The following SRM variants were observed in gnomAD, a reference collection of about 807,000 sequenced individuals.
The protein encoded by SRM is putrescine aminopropyltransferase.
Under a neutral mutation model 39.3 loss-of-function variants are expected in SRM, and 14 were observed. That is an observed-to-expected ratio of 0.36 (90% confidence interval 0.24 to 0.56). SRM has a LOEUF of 0.56. Ranked by LOEUF, SRM falls within the 20% of genes least tolerant of loss-of-function variation. The pLI, the probability that SRM is intolerant of heterozygous loss-of-function variation, is 0.86. For synonymous variants in SRM, 195 were observed against 173.1 expected, an observed-to-expected ratio of 1.13 and a Z score of -0.99; for missense variants, 244 against 409.2, an observed-to-expected ratio of 0.60 and a Z score of 3.48.
chr1:11,059,089 C>T (rs1177845921), intron 2 of SRM, 136 bp downstream of exon 2: 3 of 1,497,892 alleles, frequency 2.0e-6, no homozygotes, highest in South Asian at 1.3e-5. Flanking sequence ...TCAGTGTCGG[C>T]CCCCACCCCT....
intron 1 of SRM, 154 bp downstream of exon 1, chr1:11,059,620 AGCC>A: frequency 9.8e-7 from 1 of 1,018,256 alleles, no homozygotes; most frequent in Non-Finnish European, 1.4e-6. Flanking sequence ...CCGCAGTCCC[AGCC>A]CCAGCCCAGG....
chr1:11,054,771 C>G lies in SRM; in HGVS notation c.*94G>C. On this transcript the variant is annotated 3_prime_UTR_variant, in exon 8 of 8. Transcript: ENST00000376957. This position sits in a 1 kb window ranked among gnomAD's most constrained non-coding sequence, Gnocchi z 4.8. ...TAACACTTGGTTGGTGGGCGAGAGCCAGCAGGAGGTCCGGCCCGGGGCTGG... is the reference window on the plus strand; with the variant it reads ...TAACACTTGGTTGGTGGGCGAGAGCGAGCAGGAGGTCCGGCCCGGGGCTGG... The G allele has an allele frequency of 2.7e-6, 4 of 1,492,190 alleles. No homozygotes were observed. Among genetic ancestry groups the G allele is most frequent in the Non-Finnish European group, 3.6e-6 (4 of 1,118,064 alleles). The allele number at this position is 1,492,190 out of a possible 1,614,324, so 92.4% of individuals were successfully genotyped here. A position where few individuals can be genotyped will look rare whatever the true frequency, so the allele number is the denominator to read the frequency against.
intron 4 of SRM, 49 bp downstream of exon 4, chr1:11,056,555 C>T (rs375179703): frequency 1.4e-5 from 22 of 1,609,098 alleles, no homozygotes; most frequent in African/African-American, 8.0e-5. Context: ...GGAGGCTGAC[C>T]TCCAGACCTG....
chr1:11,056,515 C>A, intron 4 of SRM, 89 bp downstream of exon 4: 8 of 1,509,858 alleles, frequency 5.3e-6, no homozygotes, highest in Non-Finnish European at 7.2e-6. Context: ...GGGTGGGAGG[C>A]CGCTCTATCC....
chr1:11,056,880 TTTA>T (rs1001509124), intron 3 of SRM, 123 bp from the exon 4 acceptor site: 17 of 958,886 alleles, frequency 1.8e-5, no homozygotes, highest in Non-Finnish European at 2.3e-5. Context: ...TTCCCTTTTT[TTTA>T]TTATTTTTTT....
At chr1:11,059,613 C>G in intron 1 of SRM, 164 bp downstream of exon 1, 1 of 980,234 alleles carries the variant, frequency 1.0e-6, no homozygotes, top group South Asian at 1.7e-5. Flanking sequence ...GGCCAGCCCG[C>G]AGTCCCAGCC....
chr1:11,059,404 A>C (rs1638936835), intron 1 of SRM, 59 bp from the exon 2 acceptor site: 1 of 1,601,148 alleles, frequency 6.2e-7, no homozygotes, highest in African/African-American at 1.3e-5. Context: ...AACGTACCCC[A>C]AGCCGCCCTG....
chr1:11,054,943 A>G lies in SRM; in HGVS notation c.888+19T>C, dbSNP rs764564938. ...TCTGGGTCCCTGGGTCCCACCACCCAGCCCCGCAGGCCACCCACCTTGCGG... is the reference window on the plus strand; with the variant it reads ...TCTGGGTCCCTGGGTCCCACCACCCGGCCCCGCAGGCCACCCACCTTGCGG... On this transcript the variant is annotated intron_variant, in intron 7 of 7. Coordinates refer to ENST00000376957, the MANE Select transcript of SRM (RefSeq NM_003132.3). This position sits in a 1 kb window ranked among gnomAD's most constrained non-coding sequence, Gnocchi z 4.8. 1.9e-6 allele frequency: 3 copies of G among 1,611,392 alleles called. No individual in the cohort carries two copies. The highest frequency in any genetic ancestry group is 1.3e-5 in the African/African-American group (1 of 74,834).
Position 11,056,773 on chromosome 1 carries a change from G to A in SRM, c.382-16C>T. ...GGATGACATCCTGGAGGGGATGGGA[G>A]GGACCAGTCTGGGCCAAGGGGCTGG... On this transcript the variant is annotated splice_polypyrimidine_tract_variant and intron_variant, in intron 3 of 7. Transcript: ENST00000376957. 12 of 1,613,942 alleles carry A rather than the reference G, an allele frequency of 7.4e-6. No homozygotes were observed. Among genetic ancestry groups the A allele is most frequent in the Non-Finnish European group, 1.0e-5 (12 of 1,179,924 alleles).
rs956578375 is a variant in SRM, at chr1:11,054,705, G to C, written c.*160C>G. ...CGCCAGAGAGACAGACACACAGACA[G>C]TCCGCCCAGCAGGGCAGGCCGGGCA... On this transcript the variant is annotated 3_prime_UTR_variant, in exon 8 of 8. Transcript: ENST00000376957. This position sits in a 1 kb window ranked among gnomAD's most constrained non-coding sequence, Gnocchi z 4.8. The C allele has an allele frequency of 9.6e-7, 1 of 1,047,112 alleles. No homozygotes were observed. The highest frequency in any genetic ancestry group is 1.6e-5 in the African/African-American group (1 of 62,012). The allele number at this position is 1,047,112 out of a possible 1,614,324, so 64.9% of individuals were successfully genotyped here.
intron 3 of SRM, among the ~76,000 whole-genome samples, 200 bp from the exon 4 acceptor site, chr1:11,056,957 C>T (rs1172294210): frequency 6.6e-6 from 1 of 151,130 alleles, no homozygotes; most frequent in Admixed American, 6.6e-5. Context: ...TGGCTCACTA[C>T]ACCCTCGGCC....
intron 4 of SRM, 115 bp from the exon 5 acceptor site, chr1:11,056,209 G>T: frequency 1.1e-6 from 1 of 942,902 alleles, no homozygotes; most frequent in Non-Finnish European, 1.6e-6. Context: ...GTCTGTGGGG[G>T]ATCCACACCT....
At chr1:11,056,505 G>A (rs1638879469) in intron 4 of SRM, 99 bp downstream of exon 4, 2 of 1,430,628 alleles carry the variant, frequency 1.4e-6, no homozygotes, top group African/African-American at 2.8e-5. Context: ...CTAGTTCGGG[G>A]GGTGGGAGGC....
At chr1:11,055,581 A>AT (rs1223665679) in intron 6 of SRM, among the ~76,000 whole-genome samples, 200 bp downstream of exon 6, 6 of 151,798 alleles carry the variant, frequency 4.0e-5, no homozygotes, top group African/African-American at 1.4e-4. Context: ...TGCCTGGCTA[A>AT]TTTTTTTGTA....
chr1:11,055,964 C>T (rs1638871057), intron 5 of SRM, 38 bp from the exon 6 acceptor site: 1 of 1,588,468 alleles, frequency 6.3e-7, no homozygotes, highest in Non-Finnish European at 8.6e-7. Context: ...GCAGGGCCTG[C>T]CCTGCCCCAC....
chr1:11,056,867 C>T, intron 3 of SRM, 110 bp from the exon 4 acceptor site: 1 of 1,110,004 alleles, frequency 9.0e-7, no homozygotes, highest in South Asian at 1.5e-5. Context: ...CTTGGCCAAC[C>T]CCTTCCCTTT....
intron 1 of SRM, 23 bp downstream of exon 1, chr1:11,059,754 G>A: frequency 1.3e-6 from 2 of 1,572,758 alleles, no homozygotes; most frequent in African/African-American, 1.4e-5. Flanking sequence ...TAGGGGGCAG[G>A]CGCCTGCGGG....
Position 11,055,418 on chromosome 1 carries a change from T to C in SRM, c.766-334A>G, listed in dbSNP as rs1310747021. ...GACACCGCACCTGGCCTGGGGAGGG[T>C]TTTTTTTTTTTTTTGAGTCGGAATC... is the stretch of plus-strand genomic sequence containing the variant. On this transcript the variant is annotated intron_variant, in intron 6 of 7. Transcript: ENST00000376957. 3.2e-5 allele frequency among the ~76,000 whole-genome samples: 4 copies of C among 125,396 alleles called. No individual in the cohort carries two copies. The South Asian group carries it at 7.3e-4, about 23-fold the overall frequency. 82.3% of individuals were successfully genotyped at this position (125,396 alleles called of 152,430 possible).
chr1:11,056,942 G>C (rs78498878), intron 3 of SRM, among the ~76,000 whole-genome samples, 185 bp from the exon 4 acceptor site: 3 of 149,864 alleles, frequency 2.0e-5, no homozygotes, highest in Non-Finnish European at 4.5e-5. Context: ...CAGTGGCATC[G>C]ATCATGGCTC....
Sources: allele counts gnomAD v4.1 joint callset (sites outside exome capture counted in the v4.1 genomes callset), GRCh38; gene constraint gnomAD v4.1.1; non-coding constraint Gnocchi (gnomAD v3.1); transcripts MANE v1.5; gene names NCBI Gene and HGNC (gene_info 2026-07-23, HGNC 2026-07-21).